PIK3CD: variants seen among roughly 807,000 people sequenced by gnomAD.
The protein encoded by PIK3CD is phosphatidylinositol-4,5-bisphosphate 3-kinase catalytic subunit delta.
In PIK3CD, 20 loss-of-function variants were observed where a neutral mutation model predicts 122.9. That is an observed-to-expected ratio of 0.16 (90% CI 0.11 to 0.24). The LOEUF (loss-of-function observed/expected upper bound fraction) is 0.24. PIK3CD is among the 10% of genes least tolerant of loss of function. The pLI, the probability that PIK3CD is intolerant of heterozygous loss-of-function variation, is 1.00. For synonymous variants in PIK3CD, 596 were observed against 593.4 expected (o/e 1.00, Z -0.06); for missense variants, 787 against 1,406.3 (o/e 0.56, Z 7.04).
chr1:9,682,972 A>C (rs1051498672), intron 1 of PIK3CD, among the ~76,000 whole-genome samples: 3 of 148,970 alleles, frequency 2.0e-5, no homozygotes, highest in Admixed American at 6.7e-5. Flanking sequence ...AACCCATCAT[A>C]GGGGTGACCC....
At chr1:9,653,898 G>C (rs1644755503) in intron 1 of PIK3CD, 3 of 1,367,252 alleles carry the variant, frequency 2.2e-6, no homozygotes, top group African/African-American at 2.9e-5. Flanking sequence ...GAGTGGGCTG[G>C]AGGAGTGCTC....
rs1447984859 is a variant in PIK3CD, at chr1:9,700,576, A to T, written c.-33+9005A>T. Among the ~76,000 whole-genome samples the T allele has an allele frequency of 6.6e-6, 1 of 152,096 alleles. No individual in the cohort carries two copies. The highest frequency in any genetic ancestry group is 1.5e-5 in the Non-Finnish European group (1 of 68,002). On this transcript the variant is annotated intron_variant, in intron 2 of 23. Coordinates refer to ENST00000377346, the MANE Select transcript of PIK3CD (RefSeq NM_005026.5). This position sits in a 1 kb window ranked among gnomAD's most constrained non-coding sequence, Gnocchi z 5.1. ...GAGGAGGGATTGGTCACCGTCCATC[A>T]CTGGGTGACGCGACCCCAGCTCCCC... is the stretch of plus-strand genomic sequence containing the variant.
Position 9,721,202 on chromosome 1 carries a change from G to A in PIK3CD, c.1765G>A (p.Asp589Asn), listed in dbSNP as rs371700599. 1.2e-6 allele frequency: 2 copies of A among 1,613,412 alleles called. No individual in the cohort carries two copies. Among genetic ancestry groups the A allele is most frequent in the Non-Finnish European group, 1.7e-6 (2 of 1,179,990 alleles). Reference sequence around the variant, plus strand: ...GGAGCTGCTAGACTTCAGCTTCCCCGATTGCCACGTAGGCTCCTTCGCCAT... The same window carrying A: ...GGAGCTGCTAGACTTCAGCTTCCCCAATTGCCACGTAGGCTCCTTCGCCAT... ...ALELLDFSFP[D>N]CHVGSFAIKS... Residue 589 changes from aspartate to asparagine, a missense_variant, in exon 14 of 24, where the codon GAT (aspartate) becomes AAT (asparagine). Asp to Asn is a conservative substitution (Grantham distance 23). Around this residue, in one of 6 missense-constraint regions of PIK3CD, gnomAD observed 592 missense variants for 920.6 expected, o/e 0.64. Transcript: ENST00000377346.
In PIK3CD at chr1:9,705,344, A is replaced by G. The variant is rs1218799328; in HGVS notation, c.-32-5080A>G. Among the ~76,000 whole-genome samples, 531 of 143,502 alleles carry G rather than the reference A, an allele frequency of 3.7e-3. 16 individuals are homozygous for G. Among genetic ancestry groups the G allele is most frequent in the Admixed American group, 0.031 (435 of 13,954 alleles). 94.1% of individuals were successfully genotyped at this position (143,502 alleles called of 152,430 possible). A position where few individuals can be genotyped will look rare whatever the true frequency, so the allele number is the denominator to read the frequency against. ...ATACCAAAAAAAAAAAAAAAAAAGG[A>G]AAAAAAAAAGGGTGTAGTGGCATAC... On this transcript the variant is annotated intron_variant, in intron 2 of 23. Transcript: ENST00000377346.
intron 23 of PIK3CD, 112 bp from the exon 24 acceptor site, chr1:9,726,797 G>A (rs1339647431): frequency 7.5e-7 from 1 of 1,327,604 alleles, no homozygotes; most frequent in African/African-American, 1.4e-5. Context: ...GAGATGCTGG[G>A]AGCTCTCTAC....
At chr1:9,631,947 A>G in the PIK3CD span, among the ~76,000 whole-genome samples, 1 of 152,072 alleles carries the variant, frequency 6.6e-6, no homozygotes, top group African/African-American at 2.4e-5. Context: ...TGCCATCTTC[A>G]TCTGATATCC....
At chr1:9,714,891 C>T (rs1045696927) in intron 3 of PIK3CD, among the ~76,000 whole-genome samples, 35 of 152,220 alleles carry the variant, frequency 2.3e-4, no homozygotes, top group African/African-American at 7.0e-4. Flanking sequence ...ATCAGGGTTG[C>T]CAGGCGCAGT....
rs1491408390 is a variant in PIK3CD at position 9,705,342 on chromosome 1, G to GGA, written c.-32-5081_-32-5080dup. The stretch of plus-strand genomic sequence containing the variant: ...AAATACCAAAAAAAAAAAAAAAAAA[G>GGA]GAAAAAAAAAAGGGTGTAGTGGCAT... On this transcript the variant is annotated intron_variant, in intron 2 of 23. Transcript: ENST00000377346. Among the ~76,000 whole-genome samples the GGA allele has an allele frequency of 7.0e-4, 95 of 136,638 alleles. No homozygotes were observed. The Middle Eastern group carries it at 0.011, about 16-fold the overall frequency. 89.6% of individuals were successfully genotyped at this position (136,638 alleles called of 152,430 possible).
intron 3 of PIK3CD, among the ~76,000 whole-genome samples, chr1:9,711,217 C>T (rs1647040888): frequency 6.6e-6 from 1 of 152,144 alleles, no homozygotes; most frequent in Admixed American, 6.6e-5. Flanking sequence ...CCTCAGCCTC[C>T]TGAGTAGCTG....
Position 9,723,311 on chromosome 1 carries a change from G to C in PIK3CD, c.2594+19G>C. On this transcript the variant is annotated intron_variant, in intron 20 of 23. Coordinates refer to ENST00000377346, the MANE Select transcript of PIK3CD (RefSeq NM_005026.5). The surrounding 1 kb of genome is among the most constrained non-coding windows in gnomAD (Gnocchi z 4.9). ...ACCCGGGGTGGGTTTCAGGCCCAGGGATAGGTTCCCTCTCCTTTCCAAGAG... is the reference window on the plus strand; with the variant it reads ...ACCCGGGGTGGGTTTCAGGCCCAGGCATAGGTTCCCTCTCCTTTCCAAGAG... The C allele has an allele frequency of 6.2e-7, 1 of 1,613,520 alleles. No individual in the cohort carries two copies. Among genetic ancestry groups the C allele is most frequent in the African/African-American group, 1.3e-5 (1 of 75,044 alleles).
chr1:9,725,050 T>C, intron 23 of PIK3CD, 114 bp downstream of exon 23: 3 of 1,307,784 alleles, frequency 2.3e-6, no homozygotes, highest in Non-Finnish European at 3.2e-6. Flanking sequence ...CTGAGCTGTG[T>C]GTGCCTCATG....
intron 1 of PIK3CD, among the ~76,000 whole-genome samples, chr1:9,655,823 A>T (rs1477019521): frequency 1.3e-5 from 2 of 149,376 alleles, no homozygotes; most frequent in African/African-American, 5.0e-5. Flanking sequence ...CAGCCTCCTG[A>T]GTAGCTGGAA....
intron 2 of PIK3CD, among the ~76,000 whole-genome samples, chr1:9,698,778 C>T (rs1646514783): frequency 6.6e-6 from 1 of 152,156 alleles, no homozygotes; most frequent in Admixed American, 6.5e-5. Flanking sequence ...CACCTGGGTG[C>T]AGGCCTGTGG....
chr1:9,661,988 T>G (rs186555804), intron 1 of PIK3CD, among the ~76,000 whole-genome samples: 1 of 151,436 alleles, frequency 6.6e-6, no homozygotes, highest in Admixed American at 6.6e-5. Flanking sequence ...AGAGTGAGAC[T>G]CTGTCTCAAA....
chr1:9,668,499 T>G (rs1016449055), intron 1 of PIK3CD, among the ~76,000 whole-genome samples: 1 of 151,980 alleles, frequency 6.6e-6, no homozygotes, highest in African/African-American at 2.4e-5. Context: ...CAGTAGTTTT[T>G]GGGGTACAGG....
At chr1:9,688,981 A>G (rs1236455635) in intron 1 of PIK3CD, among the ~76,000 whole-genome samples, 1 of 152,146 alleles carries the variant, frequency 6.6e-6, no homozygotes, top group African/African-American at 2.4e-5. Flanking sequence ...TCTCACATAT[A>G]AGGGAACCCC....
the PIK3CD span, among the ~76,000 whole-genome samples, chr1:9,643,495 G>T: frequency 7.0e-6 from 1 of 143,828 alleles, no homozygotes; most frequent in African/African-American, 2.6e-5. Flanking sequence ...GAGGGAGGGA[G>T]GGAAGGAAGG....
intron 1 of PIK3CD, among the ~76,000 whole-genome samples, chr1:9,662,889 A>G (rs575356173): frequency 9.9e-5 from 15 of 152,134 alleles, no homozygotes; most frequent in African/African-American, 2.9e-4. Flanking sequence ...GGGTTTCACC[A>G]TGTTGGCCAG....
chr1:9,723,976 C>G lies in PIK3CD; in HGVS notation c.2602C>G (p.Leu868Val). 6.2e-7 allele frequency: 1 copy of G among 1,614,184 alleles called. No individual in the cohort carries two copies. Among genetic ancestry groups the G allele is most frequent in the Non-Finnish European group, 8.5e-7 (1 of 1,180,034 alleles). Residue 868 changes from leucine to valine, a missense_variant, in exon 21 of 24, where the codon CTG (leucine) becomes GTG (valine). Around this residue, in one of 6 missense-constraint regions of PIK3CD, gnomAD observed 69 missense variants for 166.8 expected, o/e 0.41. Transcript: ENST00000377346. This position sits in a 1 kb window ranked among gnomAD's most constrained non-coding sequence, Gnocchi z 4.9. ...WLKSKNPGEALDRAIEEFTLS... is the reference protein window; with the variant it reads ...WLKSKNPGEAVDRAIEEFTLS... The stretch of plus-strand genomic sequence containing the variant: ...TTAATCTTCCCCACCCAGGGAGGCC[C>G]TGGATCGAGCCATTGAGGAGTTCAC...
Sources: gnomAD v4.1 joint callset for allele counts (sites outside exome capture counted in the v4.1 genomes callset) on GRCh38, gnomAD v4.1.1 for gene constraint, gnomAD v4.1.1 regional missense constraint, Gnocchi (gnomAD v3.1) non-coding constraint, MANE v1.5 for transcripts, NCBI Gene and HGNC (gene_info 2026-07-23, HGNC 2026-07-21) for gene names.